Variants in PLBD1 observed in about 807,000 individuals in gnomAD.
The protein encoded by PLBD1 is lysosomal leucine aminopeptidase.
PLBD1 carries 60 observed loss-of-function variants against 63.0 expected under a neutral mutation model. The ratio of observed to expected loss-of-function variants is 0.95; its 90% CI spans 0.77 to 1.18. PLBD1 has a LOEUF of 1.18. PLBD1 is among the 50% of genes most tolerant of loss of function. The pLI is 0.00. For missense variants in PLBD1, 598 were observed against 677.9 expected (o/e 0.88, Z 1.31); for synonymous variants, 262 against 248.0 (o/e 1.06, Z -0.53).
At chr12:14,517,220 C>T (rs912644695) in intron 6 of PLBD1, among the ~76,000 whole-genome samples, 11 of 152,114 alleles carry the variant, frequency 7.2e-5, no homozygotes, top group African/African-American at 2.7e-4. Context: ...GATCAAGGCT[C>T]AAGGCAGCTT....
At chr12:14,564,199 C>T (rs989160291) in intron 1 of PLBD1, among the ~76,000 whole-genome samples, 1 of 152,098 alleles carries the variant, frequency 6.6e-6, no homozygotes, top group Non-Finnish European at 1.5e-5. Flanking sequence ...GAGCAAGGCC[C>T]TATCTCCAAA....
intron 2 of PLBD1, among the ~76,000 whole-genome samples, chr12:14,550,116 A>G (rs189355423): frequency 6.6e-6 from 1 of 152,148 alleles, no homozygotes; most frequent in Non-Finnish European, 1.5e-5. Flanking sequence ...CAAGCCTACA[A>G]CTCACTTCTT....
intron 6 of PLBD1, among the ~76,000 whole-genome samples, chr12:14,525,735 A>AT (rs1472335038): frequency 4.6e-5 from 7 of 150,896 alleles, no homozygotes; most frequent in Non-Finnish European, 8.8e-5. Context: ...ACTTGTTTTA[A>AT]TTTTTTAAAA....
chr12:14,538,786 G>C lies in PLBD1; in HGVS notation c.558+1978C>G, dbSNP rs540032065. The stretch of plus-strand genomic sequence containing the variant: ...TATGCCTGTAATCCCGGCATTTTGG[G>C]AGGCCGAGTCCAGTGAATCACCTGA... On this transcript the variant is annotated intron_variant, in intron 4 of 10. Coordinates refer to ENST00000240617, the MANE Select transcript of PLBD1 (RefSeq NM_024829.6). Among the ~76,000 whole-genome samples, 18 of 152,256 alleles carry C rather than the reference G, an allele frequency of 1.2e-4. No homozygotes were observed. The South Asian group carries it at 3.7e-3, about 32-fold the overall frequency.
chr12:14,511,686 A>G lies in PLBD1; in HGVS notation c.870T>C (p.Phe290=). 1 of 1,614,218 alleles carries G rather than the reference A, an allele frequency of 6.2e-7. No individual in the cohort carries two copies. Among genetic ancestry groups the G allele is most frequent in the Non-Finnish European group, 8.5e-7 (1 of 1,180,016 alleles). The change falls in exon 7 of 11, where the codon TTT becomes TTC. Residue 290 remains phenylalanine, a synonymous_variant. Transcript: ENST00000240617. ...ATATCAATCCACTGCTAAGAATGTA[A>G]AAATCATCCAGAGACTCCAAAAACC... ...YPGFLESLDD[F]YILSSGLILL... is the part of the protein sequence containing the mutation.
rs114755895 is a variant in PLBD1 at position 14,531,576 on chromosome 12, C to A, written c.844+4083G>T. 3.2e-3 allele frequency among the ~76,000 whole-genome samples: 491 copies of A among 152,230 alleles called. 3 individuals are homozygous for A. The highest frequency in any genetic ancestry group is 0.012 in the African/African-American group (483 of 41,528). ...GGAATTTTACAGTGTAAACATAGAT[C>A]GACATGTTTTCTGTTGGACTCTTCA... On this transcript the variant is annotated intron_variant, in intron 6 of 10. Coordinates refer to ENST00000240617, the MANE Select transcript of PLBD1 (RefSeq NM_024829.6).
intron 4 of PLBD1, among the ~76,000 whole-genome samples, chr12:14,540,013 C>CTTAATTTT (rs1555147086): frequency 2.6e-4 from 6 of 22,778 alleles, no homozygotes; most frequent in Admixed American, 7.5e-4. Context: ...AAGCTATGCA[C>CTTAATTTT]ATATATATAT....
At chr12:14,555,801 C>T (rs929600572) in intron 1 of PLBD1, among the ~76,000 whole-genome samples, 1 of 152,170 alleles carries the variant, frequency 6.6e-6, no homozygotes, top group African/African-American at 2.4e-5. Flanking sequence ...GAAGCAGCAC[C>T]TCTGTTGCAG....
Position 14,535,701 on chromosome 12 carries a change from T to C in PLBD1, c.802A>G (p.Lys268Glu). The C allele has an allele frequency of 4.3e-6, 7 of 1,614,044 alleles. No homozygotes were observed. The highest frequency in any genetic ancestry group is 1.1e-5 in the South Asian group (1 of 91,082). The change falls in exon 6 of 11, where the codon AAA (lysine) becomes GAA (glutamate). Residue 268 changes from lysine to glutamate, a missense_variant. Physicochemically the swap from Lys to Glu is moderately conservative, Grantham distance 56. Coordinates refer to ENST00000240617, the MANE Select transcript of PLBD1 (RefSeq NM_024829.6). ...YKHWDFNVID[K>E]DTSSSRLSFS... is the part of the protein sequence containing the mutation. Reference sequence around the variant, plus strand: ...GAGAGGCGACTACTGCTGGTATCTTTATCTATGACGTTGAAGTCCCAGTGT... The same window carrying C: ...GAGAGGCGACTACTGCTGGTATCTTCATCTATGACGTTGAAGTCCCAGTGT...
chr12:14,503,989 T>C (rs1945227099), intron 10 of PLBD1, 35 bp from the exon 11 acceptor site: 1 of 1,561,482 alleles, frequency 6.4e-7, no homozygotes. Flanking sequence ...TTTTAGAAAA[T>C]CATCGTTCAG....
At chr12:14,560,430 T>C (rs1345747758) in intron 1 of PLBD1, among the ~76,000 whole-genome samples, 2 of 152,086 alleles carry the variant, frequency 1.3e-5, no homozygotes, top group African/African-American at 2.4e-5. Flanking sequence ...TTGGAGAAAA[T>C]AGAAAAAAAT....
chr12:14,540,106 TTATTTATATATATA>T (rs1385214502), intron 4 of PLBD1, among the ~76,000 whole-genome samples: 1 of 64,032 alleles, frequency 1.6e-5, no homozygotes, highest in African/African-American at 5.9e-5. Flanking sequence ...AATATAAATA[TTATTTATATATATA>T]TATATATATA....
chr12:14,567,506 G>A (rs1462472581), intron 1 of PLBD1, 76 bp downstream of exon 1: 9 of 1,395,600 alleles, frequency 6.4e-6, no homozygotes, highest in African/African-American at 6.1e-5. Flanking sequence ...CAACTCGGCC[G>A]GACGCGGGGC....
rs548971052 is a variant in PLBD1, at chr12:14,511,653, C to G, written c.903G>C (p.Gln301His). 6.2e-7 allele frequency: 1 copy of G among 1,614,168 alleles called. No individual in the cohort carries two copies. Among genetic ancestry groups the G allele is most frequent in the African/African-American group, 1.3e-5 (1 of 75,038 alleles). The change falls in exon 7 of 11, where the codon CAG becomes CAC. Residue 301 changes from glutamine to histidine, a missense_variant. By Grantham distance (24) the Gln-to-His change is conservative. Transcript: ENST00000240617. ...TTTTATTAAACACACTGTTTGTGGT[C>G]TGCAGCAATATCAATCCACTGCTAA... ...YILSSGLILL[Q>H]TTNSVFNKTL...
intron 1 of PLBD1, among the ~76,000 whole-genome samples, chr12:14,561,836 G>A (rs867716423): frequency 1.3e-5 from 2 of 152,172 alleles, no homozygotes; most frequent in African/African-American, 4.8e-5. Flanking sequence ...GATTACAGGC[G>A]TGAGCCACTG....
intron 8 of PLBD1, 148 bp downstream of exon 8, chr12:14,511,112 T>C: frequency 1.2e-6 from 1 of 803,770 alleles, no homozygotes; most frequent in Non-Finnish European, 1.9e-6. Flanking sequence ...GTGCTAAACC[T>C]GGTCATTCTG....
intron 6 of PLBD1, among the ~76,000 whole-genome samples, chr12:14,519,471 T>G (rs1031164925): frequency 2.0e-5 from 3 of 151,640 alleles, no homozygotes; most frequent in African/African-American, 7.3e-5. Context: ...TACAAAAAAT[T>G]AGCCGGGTGT....
At chr12:14,509,625 C>T (rs925094360) in intron 8 of PLBD1, among the ~76,000 whole-genome samples, 1 of 152,180 alleles carries the variant, frequency 6.6e-6, no homozygotes, top group African/African-American at 2.4e-5. Flanking sequence ...TGACAAGGCT[C>T]ACTCTAGGCA....
chr12:14,519,477 G>A (rs1293333928), intron 6 of PLBD1, among the ~76,000 whole-genome samples: 1 of 152,022 alleles, frequency 6.6e-6, no homozygotes, highest in Admixed American at 6.6e-5. Flanking sequence ...AAATTAGCCG[G>A]GTGTGGTGGC....
Sources: gnomAD v4.1 joint callset for allele counts (sites outside exome capture counted in the v4.1 genomes callset) on GRCh38, gnomAD v4.1.1 for gene constraint, MANE v1.5 for transcripts, NCBI Gene and HGNC (gene_info 2026-07-23, HGNC 2026-07-21) for gene names.